Variants in UPF2 observed in about 807,000 individuals in gnomAD.
UPF2 encodes the protein regulator of nonsense transcripts 2.
UPF2 carries 17 observed loss-of-function variants against 141.4 expected under a neutral mutation model. The ratio of observed to expected loss-of-function variants is 0.12; its 90% CI spans 0.08 to 0.18. The LOEUF is 0.18. Ranked by LOEUF, UPF2 falls within the 10% of genes least tolerant of loss-of-function variation. The pLI is 1.00. For missense variants in UPF2, 1,152 were observed against 1,515.9 expected, an observed-to-expected ratio of 0.76 and a Z score of 3.99; for synonymous variants, 540 against 498.0, an observed-to-expected ratio of 1.08 and a Z score of -1.12.
At chr10:12,009,691 C>T (rs1409074399) in intron 4 of UPF2, among the ~76,000 whole-genome samples, 1 of 152,194 alleles carries the variant, frequency 6.6e-6, no homozygotes, top group Non-Finnish European at 1.5e-5. Context: ...AGAAGCCAGG[C>T]AGTCTCCCTG....
At chr10:11,984,019 G>A (rs542628363) in intron 8 of UPF2, among the ~76,000 whole-genome samples, 3 of 151,984 alleles carry the variant, frequency 2.0e-5, no homozygotes, top group African/African-American at 7.3e-5. Context: ...CACCTCCCGG[G>A]TTCAAGCAAT....
In UPF2 at chr10:11,992,385, C is replaced by T. The variant is rs145034546; in HGVS notation, c.1844+5287G>A. Among the ~76,000 whole-genome samples, 997 of 152,056 alleles carry T rather than the reference C, an allele frequency of 6.6e-3. 17 individuals carry two copies. Among genetic ancestry groups the T allele is most frequent in the Non-Finnish European group, 9.1e-3 (618 of 67,988 alleles). On this transcript the variant is annotated intron_variant, in intron 8 of 21. Transcript: ENST00000357604. The surrounding 1 kb of genome is among the most constrained non-coding windows in gnomAD (Gnocchi z 4.1). ...AAAAGGAAAATATTAAGGAAGAAAACATTATTAACTAATATCAGATGAGTG... is the reference window on the plus strand; with the variant it reads ...AAAAGGAAAATATTAAGGAAGAAAATATTATTAACTAATATCAGATGAGTG...
rs1833108966 is a variant in UPF2 at position 11,953,902 on chromosome 10, G to A, written c.2850+1330C>T. 2.0e-5 allele frequency among the ~76,000 whole-genome samples: 3 copies of A among 152,194 alleles called. No homozygotes were observed. In the South Asian group the frequency reaches 6.2e-4, roughly 32 times the overall value. On this transcript the variant is annotated intron_variant, in intron 14 of 21. Coordinates refer to ENST00000357604, the MANE Select transcript of UPF2 (RefSeq NM_015542.4). The surrounding 1 kb of genome is among the most constrained non-coding windows in gnomAD (Gnocchi z 5.0). ...CCCAACTTAACACACGCCACCATGT[G>A]GATGTATTTTTGATACTTCAAGTTA...
rs139299415 is a variant in UPF2, at chr10:11,998,573, A to G, written c.1759-816T>C. On this transcript the variant is annotated intron_variant, in intron 7 of 21. Coordinates refer to ENST00000357604, the MANE Select transcript of UPF2 (RefSeq NM_015542.4). This position sits in a 1 kb window ranked among gnomAD's most constrained non-coding sequence, Gnocchi z 4.5. ...AAACATAATAAAAATCGCTCCTTGG[A>G]TGGGCACGGTGGCTCACACCTGTAA... 5.5e-3 allele frequency among the ~76,000 whole-genome samples: 833 copies of G among 152,080 alleles called. 9 individuals carry two copies. The highest frequency in any genetic ancestry group is 7.5e-3 in the Non-Finnish European group (509 of 67,966).
intron 3 of UPF2, among the ~76,000 whole-genome samples, chr10:12,025,800 C>G (rs1834409490): frequency 6.6e-6 from 1 of 152,054 alleles, no homozygotes; most frequent in Non-Finnish European, 1.5e-5. Flanking sequence ...AAGCACTATT[C>G]AGTTTTTGTT....
chr10:12,019,089 T>G lies in UPF2; in HGVS notation c.1146-4905A>C, dbSNP rs1244429950. Among the ~76,000 whole-genome samples, 1 of 152,206 alleles carries G rather than the reference T, an allele frequency of 6.6e-6. No individual in the cohort carries two copies. The highest frequency in any genetic ancestry group is 1.5e-5 in the Non-Finnish European group (1 of 68,026). On this transcript the variant is annotated intron_variant, in intron 3 of 21. Transcript: ENST00000357604. This position sits in a 1 kb window ranked among gnomAD's most constrained non-coding sequence, Gnocchi z 4.5. ...TCATCACATATTTTAATTATTGCCTTTTTAGAAATACATCAATTACATAAA... is the reference window on the plus strand; with the variant it reads ...TCATCACATATTTTAATTATTGCCTGTTTAGAAATACATCAATTACATAAA...
At chr10:11,948,230 A>C (rs2131178843) in intron 16 of UPF2, 139 bp downstream of exon 16, 1 of 885,082 alleles carries the variant, frequency 1.1e-6, no homozygotes, top group Middle Eastern at 3.6e-4. Context: ...CTTGGGCGAC[A>C]GAGCAAGACT....
intron 14 of UPF2, among the ~76,000 whole-genome samples, chr10:11,954,723 C>T (rs1232779334): frequency 1.4e-5 from 2 of 147,288 alleles, no homozygotes; most frequent in African/African-American, 2.5e-5. Context: ...TGCCTGTAAT[C>T]CTAACACTTT....
At chr10:12,036,303 A>G (rs990380506) in intron 1 of UPF2, among the ~76,000 whole-genome samples, 5 of 152,232 alleles carry the variant, frequency 3.3e-5, no homozygotes, top group Non-Finnish European at 7.3e-5. Flanking sequence ...CATTTTGACA[A>G]CCAAATATAA....
chr10:11,934,613 G>T (rs952985102), intron 19 of UPF2, among the ~76,000 whole-genome samples: 1 of 152,062 alleles, frequency 6.6e-6, no homozygotes, highest in Admixed American at 6.6e-5. Flanking sequence ...TTTTTGAGAC[G>T]GAGTCTCGTT....
At chr10:12,005,952 T>C (rs993060622) in intron 4 of UPF2, among the ~76,000 whole-genome samples, 1 of 152,166 alleles carries the variant, frequency 6.6e-6, no homozygotes, top group Non-Finnish European at 1.5e-5. Flanking sequence ...TGATCATAGC[T>C]TACTGTAGCC....
chr10:11,961,618 G>C (rs549475777), intron 11 of UPF2, among the ~76,000 whole-genome samples: 1 of 152,222 alleles, frequency 6.6e-6, no homozygotes, highest in South Asian at 2.1e-4. Flanking sequence ...GTTGTGGACT[G>C]GGGTGCTGGG....
chr10:12,004,798 T>C, intron 4 of UPF2, 71 bp from the exon 5 acceptor site: 6 of 1,452,300 alleles, frequency 4.1e-6, no homozygotes, highest in Non-Finnish European at 5.6e-6. Flanking sequence ...ACATAAGTTA[T>C]TTTTTCAGTT....
chr10:11,999,662 A>G (rs1047264451), intron 7 of UPF2, among the ~76,000 whole-genome samples: 1 of 152,148 alleles, frequency 6.6e-6, no homozygotes, highest in Admixed American at 6.6e-5. Flanking sequence ...CTAAAACAAT[A>G]TTTTCCAAAC....
rs533576056 is a variant in UPF2 at position 11,921,747 on chromosome 10, C to T, written c.3810-440G>A. Among the ~76,000 whole-genome samples the T allele has an allele frequency of 2.6e-5, 4 of 152,264 alleles. No individual in the cohort carries two copies. The highest frequency in any genetic ancestry group is 6.5e-5 in the Admixed American group (1 of 15,290). On this transcript the variant is annotated intron_variant, in intron 21 of 21. Transcript: ENST00000357604. This position sits in a 1 kb window ranked among gnomAD's most constrained non-coding sequence, Gnocchi z 5.9. Reference sequence around the variant, plus strand: ...GCTTTTTTGAGAGCATTCATGCTCTCTACTGAGCTACAACTTAACCAGAGC... The same window carrying T: ...GCTTTTTTGAGAGCATTCATGCTCTTTACTGAGCTACAACTTAACCAGAGC...
chr10:12,035,606 C>T, intron 1 of UPF2, 165 bp from the exon 2 acceptor site: 1 of 700,420 alleles, frequency 1.4e-6, no homozygotes, highest in South Asian at 3.0e-5. Context: ...AGTTATTCAT[C>T]ACATTCCACA....
intron 8 of UPF2, among the ~76,000 whole-genome samples, chr10:11,993,411 T>TG (rs1833814476): frequency 1.3e-5 from 2 of 152,212 alleles, no homozygotes; most frequent in Admixed American, 1.3e-4. Flanking sequence ...CCATGACCTC[T>TG]GGGCAAGAGG....
At chr10:11,983,039 T>C (rs1022416233) in intron 8 of UPF2, among the ~76,000 whole-genome samples, 1 of 152,192 alleles carries the variant, frequency 6.6e-6, no homozygotes, top group Non-Finnish European at 1.5e-5. Context: ...TGGCAGACAG[T>C]TCACCAGCAC....
intron 9 of UPF2, among the ~76,000 whole-genome samples, chr10:11,978,852 G>C (rs1297837447): frequency 6.6e-6 from 1 of 152,152 alleles, no homozygotes; most frequent in East Asian, 1.9e-4. Context: ...AGCAGGAACA[G>C]CTCACCTCCC....
Sources: gnomAD v4.1 joint callset for allele counts (sites outside exome capture counted in the v4.1 genomes callset) on GRCh38, gnomAD v4.1.1 for gene constraint, Gnocchi (gnomAD v3.1) non-coding constraint, MANE v1.5 for transcripts, NCBI Gene and HGNC (gene_info 2026-07-23, HGNC 2026-07-21) for gene names.